DYNC2H1: variants seen among roughly 807,000 people sequenced by gnomAD.
DYNC2H1 encodes the protein cytoplasmic dynein 2 heavy chain 1.
In DYNC2H1, 410 loss-of-function variants were observed where a neutral mutation model predicts 570.0. That is an observed-to-expected ratio of 0.72 (90% CI 0.66 to 0.78). The LOEUF (loss-of-function observed/expected upper bound fraction) is 0.78, where lower values mean the gene tolerates loss of function less well. Among genes scored for constraint, DYNC2H1 ranks in the 30% least tolerant of loss-of-function variants. The pLI is 0.00. For missense variants in DYNC2H1, 4,865 were observed against 5,046.4 expected (o/e 0.96, Z 1.09); for synonymous variants, 1,688 against 1,677.6 (o/e 1.01, Z -0.15).
chr11:103,168,590 G>C (rs1443315618), intron 31 of DYNC2H1, among the ~76,000 whole-genome samples, 165 bp from the exon 32 acceptor site: 1 of 152,048 alleles, frequency 6.6e-6, no homozygotes, highest in Non-Finnish European at 1.5e-5. Context: ...CTTACTGGTA[G>C]ATTTGACTTT....
chr11:103,119,105 C>A (rs1858565784), intron 6 of DYNC2H1, among the ~76,000 whole-genome samples: 1 of 152,006 alleles, frequency 6.6e-6, no homozygotes, highest in Non-Finnish European at 1.5e-5. Flanking sequence ...TTGCTTATTT[C>A]TTTTTATCAC....
intron 43 of DYNC2H1, among the ~76,000 whole-genome samples, chr11:103,187,921 A>G (rs1260463598): frequency 6.6e-6 from 1 of 152,074 alleles, no homozygotes; most frequent in South Asian, 2.1e-4. Context: ...GTTTTAAAGT[A>G]TGCATTCTTC....
intron 63 of DYNC2H1, among the ~76,000 whole-genome samples, chr11:103,240,989 C>T (rs1041083357): frequency 6.6e-6 from 1 of 152,046 alleles, no homozygotes; most frequent in Non-Finnish European, 1.5e-5. Context: ...TACTCCAAAC[C>T]TTTTTATTCC....
chr11:103,425,433 G>T (rs1216669073), intron 84 of DYNC2H1, among the ~76,000 whole-genome samples: 2 of 152,022 alleles, frequency 1.3e-5, no homozygotes, highest in African/African-American at 2.4e-5. Context: ...TGGAAAGAGT[G>T]CAGGCTAGCT....
chr11:103,424,424 T>A (rs368213683), intron 84 of DYNC2H1, among the ~76,000 whole-genome samples: 9 of 152,168 alleles, frequency 5.9e-5, no homozygotes, highest in African/African-American at 2.2e-4. Context: ...AGGTTAAACA[T>A]ATACTTAACA....
In DYNC2H1 at chr11:103,199,953, A is replaced by G. The variant is rs957048140; in HGVS notation, c.8089-93A>G. ...ATAAATGAATAAATAAACACATGAT[A>G]CTGGCATACTTTACATACAAATACA... On this transcript the variant is annotated intron_variant, in intron 49 of 88. Transcript: ENST00000375735. This position sits in a 1 kb window ranked among gnomAD's most constrained non-coding sequence, Gnocchi z 4.6. 2.6e-6 allele frequency: 2 copies of G among 760,378 alleles called. No individual in the cohort carries two copies. The highest frequency in any genetic ancestry group is 3.6e-5 in the African/African-American group (2 of 55,620). 47.1% of individuals were successfully genotyped at this position (760,378 alleles called of 1,614,324 possible).
intron 83 of DYNC2H1, among the ~76,000 whole-genome samples, chr11:103,390,454 T>TG (rs1942093762): frequency 6.6e-6 from 1 of 152,098 alleles, no homozygotes; most frequent in Admixed American, 6.5e-5. Context: ...TTTATCCAAT[T>TG]TACCAGTCTG....
intron 73 of DYNC2H1, among the ~76,000 whole-genome samples, 177 bp from the exon 74 acceptor site, chr11:103,286,078 A>G (rs1344466242): frequency 6.6e-6 from 1 of 152,212 alleles, no homozygotes; most frequent in East Asian, 1.9e-4. Flanking sequence ...TGGCTTTAAT[A>G]TTAGGTGAGT....
intron 80 of DYNC2H1, among the ~76,000 whole-genome samples, chr11:103,317,740 A>G (rs543972306): frequency 6.6e-6 from 1 of 152,110 alleles, no homozygotes; most frequent in Non-Finnish European, 1.5e-5. Flanking sequence ...TTCACTTCTC[A>G]GCTTGGATGT....
chr11:103,177,568 T>G lies in DYNC2H1; in HGVS notation c.5887T>G (p.Leu1963Val), dbSNP rs1298242615. 4.4e-6 allele frequency: 7 copies of G among 1,607,220 alleles called. No homozygotes were observed. The African/African-American group carries it at 6.7e-5, about 15-fold the overall frequency. ...TCTTTCCTACTAGATCAAAAAGGCT[T>G]TAGAATTGTATGAACAGTTATGCCA... ...EIIPNQIKKA[L>V]ELYEQLCQRM... Residue 1963 changes from leucine (L) to valine (V), a missense_variant, in exon 38 of 89, where the codon TTA (leucine) becomes GTA (valine). By Grantham distance (32) the Leu-to-Val change is conservative. This residue lies in a region of DYNC2H1 where 292 missense variants were observed against 300.2 expected (regional missense o/e 0.97). Coordinates refer to ENST00000375735, the MANE Select transcript of DYNC2H1 (RefSeq NM_001377.3). The surrounding 1 kb of genome is among the most constrained non-coding windows in gnomAD (Gnocchi z 4.4).
At chr11:103,221,115 T>C (rs1156951541) in intron 57 of DYNC2H1, among the ~76,000 whole-genome samples, 1 of 152,072 alleles carries the variant, frequency 6.6e-6, no homozygotes, top group Non-Finnish European at 1.5e-5. Flanking sequence ...GAAGAAAATA[T>C]AGTCACTATC....
intron 83 of DYNC2H1, among the ~76,000 whole-genome samples, chr11:103,365,923 C>CT (rs995970306): frequency 2.0e-5 from 3 of 152,142 alleles, no homozygotes; most frequent in African/African-American, 4.8e-5. Flanking sequence ...ACAAATGCTC[C>CT]TTTTTTGTGA....
In DYNC2H1 at chr11:103,334,419, G is replaced by A. The variant is rs1939004050; in HGVS notation, c.12039+10429G>A. ...ATAAATTGTAAATCAATTGTAAATTGGATAAATCAGTTTGCAAATTATAAA... is the reference window on the plus strand; with the variant it reads ...ATAAATTGTAAATCAATTGTAAATTAGATAAATCAGTTTGCAAATTATAAA... On this transcript the variant is annotated intron_variant, in intron 82 of 88. Coordinates refer to ENST00000375735, the MANE Select transcript of DYNC2H1 (RefSeq NM_001377.3). This position sits in a 1 kb window ranked among gnomAD's most constrained non-coding sequence, Gnocchi z 4.3. Among the ~76,000 whole-genome samples the A allele has an allele frequency of 6.6e-6, 1 of 151,998 alleles. No individual in the cohort carries two copies. Among genetic ancestry groups the A allele is most frequent in the South Asian group, 2.1e-4 (1 of 4,826 alleles).
At chr11:103,134,173 C>A in intron 14 of DYNC2H1, 148 bp from the exon 15 acceptor site, 1 of 627,698 alleles carries the variant, frequency 1.6e-6, no homozygotes, top group Non-Finnish European at 2.7e-6. Flanking sequence ...TTGCCCTTCT[C>A]AGTACATTGG....
At chr11:103,117,271 T>TA (rs1491533364) in intron 5 of DYNC2H1, among the ~76,000 whole-genome samples, 7 of 147,128 alleles carry the variant, frequency 4.8e-5, no homozygotes, top group South Asian at 2.1e-4. Context: ...TATATATATA[T>TA]TTTTTAATAT....
At position 103,189,675 on chromosome 11, in the gene DYNC2H1, C is replaced by A; in HGVS notation, c.7296C>A (p.Tyr2432Ter). 6.2e-7 allele frequency: 1 copy of A among 1,611,076 alleles called. No individual in the cohort carries two copies. Among genetic ancestry groups the A allele is most frequent in the Non-Finnish European group, 8.5e-7 (1 of 1,178,692 alleles). Residue 2432 changes from tyrosine (Y) to a stop codon, truncating the protein, a stop_gained, in exon 45 of 89, where the codon TAC (tyrosine) becomes TAA (stop). Transcript: ENST00000375735. LOFTEE classifies it high-confidence loss of function. The surrounding 1 kb of genome is among the most constrained non-coding windows in gnomAD (Gnocchi z 4.3). ...TSIVRLCSID[Y>*]PEREQLQTIY... The stretch of plus-strand genomic sequence containing the variant: ...TCTTATATGCCATTTTTTTTAGTTA[C>A]CCAGAAAGAGAGCAGTTACAAACGA...
chr11:103,159,221 A>G (rs1860974752), intron 28 of DYNC2H1, among the ~76,000 whole-genome samples, 194 bp downstream of exon 28: 1 of 152,158 alleles, frequency 6.6e-6, no homozygotes, highest in Non-Finnish European at 1.5e-5. Context: ...CAGTGTGACA[A>G]TTCTGGTGAT....
intron 77 of DYNC2H1, among the ~76,000 whole-genome samples, chr11:103,306,546 C>A (rs1867292079): frequency 6.6e-6 from 1 of 151,950 alleles, no homozygotes; most frequent in South Asian, 2.1e-4. Context: ...TTTAGATTTG[C>A]TAACCCAAAG....
rs759173558 is a variant in DYNC2H1, at chr11:103,115,288, T to C, written c.614T>C (p.Ile205Thr). Residue 205 changes from isoleucine (I) to threonine (T), a missense_variant, in exon 4 of 89, where the codon ATT (isoleucine) becomes ACT (threonine). Ile to Thr is a moderately conservative substitution (Grantham distance 89). This residue lies in a region of DYNC2H1 where 1,936 missense variants were observed against 1,962.1 expected (regional missense o/e 0.99). Coordinates refer to ENST00000375735, the MANE Select transcript of DYNC2H1 (RefSeq NM_001377.3). ...ANYFKELFET[I>T]AREFYNLDSL... Reference sequence around the variant, plus strand: ...TATTTTAAAGAATTATTTGAAACAATTGCAAGAGTATGTGATTCATAAATG... The same window carrying C: ...TATTTTAAAGAATTATTTGAAACAACTGCAAGAGTATGTGATTCATAAATG... The C allele has an allele frequency of 6.4e-7, 1 of 1,574,604 alleles. No individual in the cohort carries two copies. The highest frequency in any genetic ancestry group is 8.6e-7 in the Non-Finnish European group (1 of 1,157,368).
Sources: gnomAD v4.1 joint callset for allele counts (sites outside exome capture counted in the v4.1 genomes callset) on GRCh38, gnomAD v4.1.1 for gene constraint, gnomAD v4.1.1 regional missense constraint, Gnocchi (gnomAD v3.1) non-coding constraint, MANE v1.5 for transcripts, NCBI Gene and HGNC (gene_info 2026-07-23, HGNC 2026-07-21) for gene names.